The following IPO11 variants were observed in gnomAD, a reference collection of about 807,000 sequenced individuals.
IPO11 encodes importin 11.
IPO11 carries 66 observed loss-of-function variants against 143.2 expected under a neutral mutation model. The observed-to-expected ratio is 0.46, with a 90% CI of 0.38 to 0.57. IPO11 has a LOEUF of 0.57. IPO11 is among the 20% of genes least tolerant of loss of function. The pLI, the probability that IPO11 is intolerant of heterozygous loss-of-function variation, is 0.00. For missense variants in IPO11, 1,026 were observed against 1,141.0 expected (o/e 0.90, Z 1.45); for synonymous variants, 385 against 377.8 (o/e 1.02, Z -0.22).
chr5:62,579,554 G>T, intron 27 of IPO11: 1 of 1,551,088 alleles, frequency 6.4e-7, no homozygotes, highest in Non-Finnish European at 8.7e-7. Context: ...TGTCAGCTCT[G>T]CACTGGGAGA....
chr5:62,467,242 C>A lies in IPO11; in HGVS notation c.628C>A (p.Arg210=). The A allele has an allele frequency of 6.2e-7, 1 of 1,613,720 alleles. No individual in the cohort carries two copies. ...AGCTGCAATTTTGAGTTCACTAGAACGAACACTGCTATCATTGAAAGGTAC... is the reference window on the plus strand; with the variant it reads ...AGCTGCAATTTTGAGTTCACTAGAAAGAACACTGCTATCATTGAAAGGTAC... ...NEAAILSSLE[R]TLLSLKVLRK... Residue 210 remains arginine, a synonymous_variant, in exon 6 of 30, where the codon CGA becomes AGA. Coordinates refer to ENST00000325324, the MANE Select transcript of IPO11 (RefSeq NM_016338.5).
chr5:62,487,226 G>A (rs561471150), intron 12 of IPO11, among the ~76,000 whole-genome samples: 1 of 152,104 alleles, frequency 6.6e-6, no homozygotes, highest in East Asian at 1.9e-4. Context: ...ACTTTATTTG[G>A]CAAATTGGAG....
rs755468347 is a variant in IPO11, at chr5:62,561,148, T to C, written c.2473T>C (p.Leu825=). ...CCTCTTGTTTCAGATGGACCAGCTT[T>C]TGGGAAATATGATTGAAATGTGGGT... ...HKFNQEMDQL[L]GNMIEMWVDR... The change falls in exon 27 of 30, where the codon TTG becomes CTG. Residue 825 remains leucine, a synonymous_variant. Transcript: ENST00000325324. The C allele has an allele frequency of 6.2e-7, 1 of 1,605,456 alleles. No homozygotes were observed. Among genetic ancestry groups the C allele is most frequent in the African/African-American group, 1.3e-5 (1 of 74,550 alleles).
intron 27 of IPO11, among the ~76,000 whole-genome samples, chr5:62,586,761 AAAAAAAAATATATAT>A (rs1474066845): frequency 5.7e-4 from 56 of 98,912 alleles, no homozygotes; most frequent in Middle Eastern, 4.9e-3. Flanking sequence ...CCAAAAAAAA[AAAAAAAAATATATAT>A]ATATATATAT....
At chr5:62,417,096 C>G (rs1309460866) in intron 1 of IPO11, among the ~76,000 whole-genome samples, 1 of 150,768 alleles carries the variant, frequency 6.6e-6, no homozygotes, top group Non-Finnish European at 1.5e-5. Context: ...TCCTCTTCAG[C>G]TTTATCTATA....
intron 19 of IPO11, among the ~76,000 whole-genome samples, chr5:62,510,264 T>C (rs1478928577): frequency 6.6e-6 from 1 of 152,244 alleles, no homozygotes; most frequent in Non-Finnish European, 1.5e-5. Context: ...ATATGGACAG[T>C]ATTTTTTCTT....
chr5:62,548,971 C>T (rs890163409), intron 24 of IPO11, among the ~76,000 whole-genome samples: 11 of 151,968 alleles, frequency 7.2e-5, no homozygotes, highest in Non-Finnish European at 1.3e-4. Flanking sequence ...GGCAGGTGGT[C>T]TTACTTTCTA....
intron 1 of IPO11, among the ~76,000 whole-genome samples, chr5:62,420,970 G>T (rs527560998): frequency 6.6e-6 from 1 of 152,184 alleles, no homozygotes; most frequent in Non-Finnish European, 1.5e-5. Context: ...CTCCAAAGTT[G>T]TATTAATAGA....
chr5:62,442,307 G>A (rs1446580253), intron 2 of IPO11, among the ~76,000 whole-genome samples: 1 of 152,028 alleles, frequency 6.6e-6, no homozygotes, highest in Non-Finnish European at 1.5e-5. Flanking sequence ...ATATTTTATT[G>A]AATATGTATG....
At chr5:62,612,159 G>T (rs1215918120) in intron 29 of IPO11, among the ~76,000 whole-genome samples, 2 of 151,886 alleles carry the variant, frequency 1.3e-5, no homozygotes, top group African/African-American at 2.4e-5. Context: ...TTCTGTTCTG[G>T]TGCTTGATTT....
chr5:62,543,655 T>A (rs1466923091), intron 24 of IPO11, among the ~76,000 whole-genome samples: 1 of 152,200 alleles, frequency 6.6e-6, no homozygotes, highest in Non-Finnish European at 1.5e-5. Flanking sequence ...TTTATTGATT[T>A]TTTGAAGGGT....
intron 1 of IPO11, among the ~76,000 whole-genome samples, chr5:62,421,935 A>G (rs943526543): frequency 2.0e-5 from 3 of 152,194 alleles, no homozygotes; most frequent in African/African-American, 4.8e-5. Context: ...GAAACTACCA[A>G]TCGAAGATGT....
chr5:62,581,121 C>T, intron 27 of IPO11: 1 of 1,549,800 alleles, frequency 6.5e-7, no homozygotes, highest in African/African-American at 1.4e-5. Flanking sequence ...CATCAGAAAA[C>T]TCAAGGGAAA....
chr5:62,550,307 G>A, intron 24 of IPO11, 60 bp from the exon 25 acceptor site: 1 of 1,253,624 alleles, frequency 8.0e-7, no homozygotes. Context: ...TTCCTTACAT[G>A]TGTTTTTCAT....
At chr5:62,424,146 T>G (rs996967380) in intron 1 of IPO11, among the ~76,000 whole-genome samples, 24 of 151,046 alleles carry the variant, frequency 1.6e-4, no homozygotes, top group Admixed American at 6.6e-4. Flanking sequence ...AGCTTTTTTT[T>G]TTTTGTTTTT....
chr5:62,597,091 C>G (rs1313174722), intron 28 of IPO11, among the ~76,000 whole-genome samples: 4 of 152,122 alleles, frequency 2.6e-5, no homozygotes, highest in African/African-American at 9.7e-5. Flanking sequence ...TATATTCAGT[C>G]TAGTGACGGT....
At chr5:62,459,882 T>A (rs1313821485) in intron 5 of IPO11, among the ~76,000 whole-genome samples, 1 of 152,222 alleles carries the variant, frequency 6.6e-6, no homozygotes, top group Non-Finnish European at 1.5e-5. Context: ...AACGGATTAT[T>A]ACTAAAATAA....
At chr5:62,454,336 C>T (rs1204336643) in intron 5 of IPO11, among the ~76,000 whole-genome samples, 3 of 152,080 alleles carry the variant, frequency 2.0e-5, no homozygotes. Flanking sequence ...CTGTTTTGTC[C>T]TCACCTCAAA....
At chr5:62,536,301 G>A (rs1366905856) in intron 22 of IPO11, among the ~76,000 whole-genome samples, 2 of 151,818 alleles carry the variant, frequency 1.3e-5, no homozygotes, top group Non-Finnish European at 2.9e-5. Flanking sequence ...GGGTCAAATA[G>A]TTAGGTGGTT....
Sources: allele counts gnomAD v4.1 joint callset (sites outside exome capture counted in the v4.1 genomes callset), GRCh38; gene constraint gnomAD v4.1.1; transcripts MANE v1.5; gene names NCBI Gene and HGNC (gene_info 2026-07-23, HGNC 2026-07-21).